Variants in AOPEP observed in about 807,000 individuals in gnomAD.
AOPEP encodes the protein aminopeptidase O.
Under a neutral mutation model 98.1 loss-of-function variants are expected in AOPEP, and 77 were observed. The observed-to-expected ratio is 0.78, with a 90% CI of 0.65 to 0.95. AOPEP has a LOEUF of 0.95. Ranked by LOEUF, AOPEP falls within the 40% of genes least tolerant of loss-of-function variation. The pLI is 0.00. For missense variants in AOPEP, 1,024 were observed against 1,024.7 expected, an observed-to-expected ratio of 1.00 and a Z score of 0.01; for synonymous variants, 346 against 365.3, an observed-to-expected ratio of 0.95 and a Z score of 0.60.
chr9:95,009,629 G>A (rs1349756553), intron 13 of AOPEP, among the ~76,000 whole-genome samples: 1 of 152,188 alleles, frequency 6.6e-6, no homozygotes, highest in Non-Finnish European at 1.5e-5. Flanking sequence ...CAAGCGAGTG[G>A]TCTTGGCTGG....
At chr9:94,852,294 A>T (rs550669500) in intron 5 of AOPEP, among the ~76,000 whole-genome samples, 6 of 152,214 alleles carry the variant, frequency 3.9e-5, no homozygotes, top group Non-Finnish European at 8.8e-5. Flanking sequence ...AGCTCCCCAG[A>T]TGATTTTAAT....
Position 95,080,754 on chromosome 9 carries a change from G to A in AOPEP, c.2293G>A (p.Val765Met), listed in dbSNP as rs371083989. The A allele has an allele frequency of 3.1e-6, 5 of 1,613,948 alleles. No homozygotes were observed. The highest frequency in any genetic ancestry group is 2.7e-5 in the African/African-American group (2 of 74,894). The change falls in exon 15 of 17, where the codon GTG (valine) becomes ATG (methionine). Residue 765 changes from valine to methionine, a missense_variant. Coordinates refer to ENST00000375315, the MANE Select transcript of AOPEP (RefSeq NM_001193329.3). ...KHKFTKAYKS[V>M]ERFLQEDQAM... is the part of the protein sequence containing the mutation. ...CAAGTTCACGAAAGCCTACAAAAGT[G>A]TGGAGAGGTTCCTTCAGGAGGATCA...
At position 94,792,864 on chromosome 9, in the gene AOPEP, C is replaced by A; in HGVS notation, c.1064C>A (p.Ser355Ter). The A allele has an allele frequency of 6.2e-7, 1 of 1,612,826 alleles. No individual in the cohort carries two copies. Among genetic ancestry groups the A allele is most frequent in the South Asian group, 1.1e-5 (1 of 90,978 alleles). Residue 355 changes from serine to a stop codon, truncating the protein, a stop_gained, in exon 4 of 17, where the codon TCA (serine) becomes TAA (stop). Coordinates refer to ENST00000375315, the MANE Select transcript of AOPEP (RefSeq NM_001193329.3). LOFTEE classifies it high-confidence loss of function. ...ACAGAAATGAAGATGGAGACATGGT[C>A]ATCAAATGATTTGGCAACAGAGAGA... ...CWTEMKMETW[S>*]SNDLATERPF...
At chr9:95,099,502 G>A in the AOPEP span, 7 of 228,478 alleles carry the variant, frequency 3.1e-5, no homozygotes, top group African/African-American at 9.0e-5. Context: ...TGCCGAAATC[G>A]AAGGCAACAA....
Position 94,925,997 on chromosome 9 carries a change from G to C in AOPEP, c.1554+1822G>C, listed in dbSNP as rs75242083. Among the ~76,000 whole-genome samples the C allele has an allele frequency of 4.8e-3, 724 of 152,342 alleles. 4 individuals are homozygous for C. The highest frequency in any genetic ancestry group is 0.017 in the African/African-American group (702 of 41,570). On this transcript the variant is annotated intron_variant, in intron 6 of 16. Coordinates refer to ENST00000375315, the MANE Select transcript of AOPEP (RefSeq NM_001193329.3). The stretch of plus-strand genomic sequence containing the variant: ...TGTGTTTCCCTCCGTCTTACACACA[G>C]GCATTCAGCAGGGGTTTAATATGAA...
chr9:94,775,405 C>G (rs902645707), intron 3 of AOPEP, among the ~76,000 whole-genome samples: 7 of 149,650 alleles, frequency 4.7e-5, no homozygotes, highest in Non-Finnish European at 7.4e-5. Context: ...GAGTCTTGCT[C>G]TGTCGCCAGG....
At chr9:94,819,697 C>T (rs558126849) in intron 5 of AOPEP, among the ~76,000 whole-genome samples, 1 of 151,912 alleles carries the variant, frequency 6.6e-6, no homozygotes, top group South Asian at 2.1e-4. Flanking sequence ...CAGCCTCCTG[C>T]GTAGCTGGGA....
At chr9:95,105,435 AG>A in the AOPEP span, among the ~76,000 whole-genome samples, 1 of 152,234 alleles carries the variant, frequency 6.6e-6, no homozygotes, top group African/African-American at 2.4e-5. Context: ...TGTCAACAAA[AG>A]TACAAATAAA....
At chr9:94,951,704 C>T (rs1351452058) in intron 7 of AOPEP, among the ~76,000 whole-genome samples, 3 of 152,212 alleles carry the variant, frequency 2.0e-5, no homozygotes, top group Non-Finnish European at 4.4e-5. Context: ...AGTCAGAAGG[C>T]AGGCATCCCC....
chr9:95,064,007 A>G (rs2067596354), intron 14 of AOPEP, among the ~76,000 whole-genome samples: 1 of 152,192 alleles, frequency 6.6e-6, no homozygotes, highest in Non-Finnish European at 1.5e-5. Context: ...AGGCCACCCT[A>G]AGACAGCTAT....
chr9:94,937,570 G>T (rs149397540), intron 7 of AOPEP, among the ~76,000 whole-genome samples: 1 of 152,320 alleles, frequency 6.6e-6, no homozygotes, highest in Non-Finnish European at 1.5e-5. Flanking sequence ...TTCAGTCATA[G>T]CTCCTACCAT....
At chr9:95,034,652 T>G (rs2064620708) in intron 13 of AOPEP, among the ~76,000 whole-genome samples, 1 of 152,250 alleles carries the variant, frequency 6.6e-6, no homozygotes, top group South Asian at 2.1e-4. Context: ...TTATATGGGC[T>G]GAAGGCATTT....
chr9:94,789,892 T>TTG (rs35102751), intron 3 of AOPEP, among the ~76,000 whole-genome samples: 82 of 150,178 alleles, frequency 5.5e-4, no homozygotes, highest in East Asian at 2.4e-3. Flanking sequence ...TTTTTTTTTT[T>TTG]AGACGGAGTC....
At chr9:95,124,537 G>A in the AOPEP span, among the ~76,000 whole-genome samples, 9 of 152,202 alleles carry the variant, frequency 5.9e-5, no homozygotes, top group Admixed American at 1.3e-4. Flanking sequence ...CACACCTCCC[G>A]CTCACTGCCC....
chr9:95,051,804 C>T (rs774169192), intron 13 of AOPEP, among the ~76,000 whole-genome samples: 10 of 151,578 alleles, frequency 6.6e-5, no homozygotes, highest in Admixed American at 2.0e-4. Context: ...CCCAGGTTCA[C>T]GCCATTCTCC....
the AOPEP span, among the ~76,000 whole-genome samples, chr9:95,115,109 T>C: frequency 6.6e-6 from 1 of 152,176 alleles, no homozygotes; most frequent in Non-Finnish European, 1.5e-5. Flanking sequence ...CCCAGCTATT[T>C]TTAAAATTTT....
At chr9:94,922,440 G>A (rs1488145979) in intron 5 of AOPEP, among the ~76,000 whole-genome samples, 1 of 152,346 alleles carries the variant, frequency 6.6e-6, no homozygotes, top group African/African-American at 2.4e-5. Context: ...TTAGCCCAAA[G>A]GGTGAACTGC....
chr9:94,948,154 C>T (rs1209458607), intron 7 of AOPEP, among the ~76,000 whole-genome samples: 1 of 152,136 alleles, frequency 6.6e-6, no homozygotes, highest in Admixed American at 6.5e-5. Flanking sequence ...GTCAGTCAAC[C>T]AGGTAGACTC....
chr9:95,041,390 T>G (rs1384028978), intron 13 of AOPEP, among the ~76,000 whole-genome samples: 1 of 151,484 alleles, frequency 6.6e-6, no homozygotes, highest in Non-Finnish European at 1.5e-5. Flanking sequence ...TGTGGTAATT[T>G]GAAATTGTGA....
Sources: gnomAD v4.1 joint callset for allele counts (sites outside exome capture counted in the v4.1 genomes callset) on GRCh38, gnomAD v4.1.1 for gene constraint, MANE v1.5 for transcripts, NCBI Gene and HGNC (gene_info 2026-07-23, HGNC 2026-07-21) for gene names.